The following PRSS23 variants were observed in gnomAD, a reference collection of about 807,000 sequenced individuals.
PRSS23 encodes serine protease 23.
In PRSS23, 25 loss-of-function variants were observed where a neutral mutation model predicts 34.7. The ratio of observed to expected loss-of-function variants is 0.72; its 90% CI spans 0.53 to 1.01. The LOEUF (loss-of-function observed/expected upper bound fraction) is 1.01, where lower values mean the gene tolerates loss of function less well. Ranked by LOEUF, PRSS23 falls within the 50% of genes least tolerant of loss-of-function variation. The pLI is 0.00. For synonymous variants in PRSS23, 176 were observed against 186.6 expected (o/e 0.94, Z 0.46); for missense variants, 445 against 475.6 (o/e 0.94, Z 0.60).
intron 2 of PRSS23, among the ~76,000 whole-genome samples, chr11:86,854,795 A>T (rs1369721033): frequency 6.6e-6 from 1 of 152,194 alleles, no homozygotes; most frequent in African/African-American, 2.4e-5. Flanking sequence ...CTTTCTTGGC[A>T]CCTATTTTAA....
At chr11:86,848,129 A>C (rs1355416313) in intron 2 of PRSS23, among the ~76,000 whole-genome samples, 1 of 152,234 alleles carries the variant, frequency 6.6e-6, no homozygotes, top group Non-Finnish European at 1.5e-5. Context: ...CTCAAATTTA[A>C]AACAAATAAA....
At chr11:86,882,908 G>A (rs995699874) in intron 2 of PRSS23, among the ~76,000 whole-genome samples, 2 of 152,192 alleles carry the variant, frequency 1.3e-5, no homozygotes, top group Non-Finnish European at 2.9e-5. Context: ...ACTGGTGTGA[G>A]ATGGTATCTC....
At chr11:86,905,523 A>G (rs1270677519) in intron 2 of PRSS23, among the ~76,000 whole-genome samples, 3 of 152,200 alleles carry the variant, frequency 2.0e-5, no homozygotes, top group African/African-American at 7.2e-5. Context: ...CTCCTTTCAG[A>G]TTCAACTTCT....
chr11:86,815,843 C>T (rs1257091274), downstream of PRSS23, among the ~76,000 whole-genome samples: 1 of 152,184 alleles, frequency 6.6e-6, no homozygotes. Flanking sequence ...CTCTCCAGCT[C>T]CCCTGCCACT....
chr11:86,837,911 GTTC>G (rs1253258076), intron 2 of PRSS23, among the ~76,000 whole-genome samples: 2 of 152,158 alleles, frequency 1.3e-5, no homozygotes, highest in Non-Finnish European at 2.9e-5. Context: ...GAGGTACCTG[GTTC>G]TTCTCATTGG....
intron 2 of PRSS23, among the ~76,000 whole-genome samples, chr11:86,838,497 G>A (rs894448893): frequency 6.6e-6 from 1 of 152,238 alleles, no homozygotes; most frequent in East Asian, 1.9e-4. Context: ...ACCCACCACA[G>A]CTCAGCAAGG....
chr11:86,831,661 G>T (rs948047196), intron 2 of PRSS23, among the ~76,000 whole-genome samples: 1 of 150,428 alleles, frequency 6.6e-6, no homozygotes, highest in Non-Finnish European at 1.5e-5. Context: ...AATATTCTAG[G>T]GGATGTTACT....
chr11:86,844,912 A>G (rs1403745688), intron 2 of PRSS23, among the ~76,000 whole-genome samples: 1 of 152,122 alleles, frequency 6.6e-6, no homozygotes, highest in African/African-American at 2.4e-5. Flanking sequence ...CAACATGGAG[A>G]AACCCCATCT....
chr11:86,948,975 T>G (rs1182168612), intron 2 of PRSS23: 1 of 152,658 alleles, frequency 6.6e-6, no homozygotes, highest in East Asian at 1.9e-4. Flanking sequence ...TCCAGGGCCG[T>G]GGACAGTTAT....
At chr11:86,866,378 G>C (rs1948649605) in intron 2 of PRSS23, among the ~76,000 whole-genome samples, 1 of 152,152 alleles carries the variant, frequency 6.6e-6, no homozygotes, top group Admixed American at 6.5e-5. Context: ...AGGAGTGAAG[G>C]GGTCAGTGCA....
At chr11:86,947,995 C>T (rs1658827007) in intron 2 of PRSS23, 1 of 152,240 alleles carries the variant, frequency 6.6e-6, no homozygotes, top group South Asian at 2.1e-4. Context: ...ACCCCAAGCC[C>T]TGAATTGCCG....
chr11:86,864,119 A>G (rs1948634051), intron 2 of PRSS23, among the ~76,000 whole-genome samples: 1 of 152,234 alleles, frequency 6.6e-6, no homozygotes, highest in Admixed American at 6.5e-5. Context: ...TTCATTTTAC[A>G]GATGATATTA....
chr11:86,872,400 C>G (rs2511883), intron 2 of PRSS23, among the ~76,000 whole-genome samples: 86,691 of 151,934 alleles, frequency 0.57, 25,700 homozygotes, highest in African/African-American at 0.74. Flanking sequence ...AGTTTCACAC[C>G]TATCCCACAC....
chr11:86,877,540 A>G (rs952515285), intron 2 of PRSS23, among the ~76,000 whole-genome samples: 2 of 152,122 alleles, frequency 1.3e-5, no homozygotes, highest in African/African-American at 4.8e-5. Context: ...GGAGGTGTTC[A>G]ACTTTATTGT....
At chr11:86,924,077 T>A (rs1949064215) in intron 2 of PRSS23, among the ~76,000 whole-genome samples, 1 of 152,126 alleles carries the variant, frequency 6.6e-6, no homozygotes, top group Non-Finnish European at 1.5e-5. Context: ...TAGGGAGGCT[T>A]CTAAGGAGGT....
intron 2 of PRSS23, among the ~76,000 whole-genome samples, chr11:86,860,933 T>C (rs1383263431): frequency 1.7e-4 from 25 of 150,284 alleles, no homozygotes; most frequent in Non-Finnish European, 3.0e-5. Flanking sequence ...GTGGGGTGAG[T>C]ATGATATTAC....
chr11:86,913,732 A>T (rs938510681), intron 2 of PRSS23, among the ~76,000 whole-genome samples: 1 of 151,558 alleles, frequency 6.6e-6, no homozygotes, highest in African/African-American at 2.4e-5. Context: ...GAGTTTTTGG[A>T]TAGAGATGTA....
At chr11:86,824,648 G>A (rs945281170) in intron 2 of PRSS23, among the ~76,000 whole-genome samples, 447 of 105,240 alleles carry the variant, frequency 4.2e-3, no homozygotes, top group African/African-American at 0.016. Flanking sequence ...CCCCACAACA[G>A]TCCCCAGAGT....
chr11:86,926,774 C>T lies in PRSS23; in HGVS notation c.207-24442C>T, dbSNP rs577500976. On this transcript the variant is annotated intron_variant, in intron 2 of 2. Transcript: ENST00000533902. ...CACTCATAGTTCAACTGTTTCCCCT[C>T]GCATTTTTCCCCTCCATCTACGTGG... is the stretch of plus-strand genomic sequence containing the variant. Among the ~76,000 whole-genome samples, 143 of 152,318 alleles carry T rather than the reference C, an allele frequency of 9.4e-4. 1 individual carries two copies. The highest frequency in any genetic ancestry group is 1.5e-3 in the Non-Finnish European group (105 of 68,018).
Sources: allele counts gnomAD v4.1 joint callset (sites outside exome capture counted in the v4.1 genomes callset), GRCh38; gene constraint gnomAD v4.1.1; transcripts MANE v1.5; gene names NCBI Gene and HGNC (gene_info 2026-07-23, HGNC 2026-07-21).